COL5A1: variants seen among roughly 807,000 people sequenced by gnomAD.
The protein encoded by COL5A1 is collagen alpha-1(V) chain.
A neutral mutation model predicts 263.7 loss-of-function variants in COL5A1; 16 were observed. The ratio of observed to expected loss-of-function variants is 0.06; its 90% CI spans 0.04 to 0.09. The LOEUF (loss-of-function observed/expected upper bound fraction) is 0.09, where lower values mean the gene tolerates loss of function less well. COL5A1 is among the 10% of genes least tolerant of loss of function. The pLI, the probability that COL5A1 is intolerant of heterozygous loss-of-function variation, is 1.00. For missense variants in COL5A1, 2,036 were observed against 2,540.5 expected, an observed-to-expected ratio of 0.80 and a Z score of 4.27; for synonymous variants, 1,012 against 1,004.5, an observed-to-expected ratio of 1.01 and a Z score of -0.14.
chr9:134,831,009 C>T (rs1839595631), intron 64 of COL5A1, among the ~76,000 whole-genome samples: 1 of 152,208 alleles, frequency 6.6e-6, no homozygotes, highest in Non-Finnish European at 1.5e-5. Flanking sequence ...CCCAGATTCT[C>T]CTTTCCCTCC....
chr9:134,799,189 C>G (rs1349493853), intron 37 of COL5A1, among the ~76,000 whole-genome samples: 1 of 152,230 alleles, frequency 6.6e-6, no homozygotes, highest in Non-Finnish European at 1.5e-5. Flanking sequence ...CCAGAAAGGA[C>G]TCCAGTGTTT....
At chr9:134,799,160 A>G (rs1838022584) in intron 37 of COL5A1, among the ~76,000 whole-genome samples, 1 of 152,230 alleles carries the variant, frequency 6.6e-6, no homozygotes, top group Non-Finnish European at 1.5e-5. Context: ...AATGCATATC[A>G]CAGGCTACTT....
Position 134,794,987 on chromosome 9 carries a change from G to A in COL5A1, c.2701-95G>A. ...GCCCAGGTTCCTCCTATCCTGCTCT[G>A]AATTCACAGTCTCTCAATAACCCGG... On this transcript the variant is annotated intron_variant, in intron 32 of 65. Coordinates refer to ENST00000371817, the MANE Select transcript of COL5A1 (RefSeq NM_000093.5). The surrounding 1 kb of genome is among the most constrained non-coding windows in gnomAD (Gnocchi z 4.3). 4.3e-6 allele frequency: 6 copies of A among 1,406,690 alleles called. No individual in the cohort carries two copies. The highest frequency in any genetic ancestry group is 1.4e-5 in the African/African-American group (1 of 70,144). 87.1% of individuals were successfully genotyped at this position (1,406,690 alleles called of 1,614,324 possible).
rs139442022 is a variant in COL5A1 at position 134,699,182 on chromosome 9, T to G, written c.278-727T>G. On this transcript the variant is annotated intron_variant, in intron 2 of 65. Transcript: ENST00000371817. ...CATGCCCACGGATGAGGGGCAGATA[T>G]GTGGAGTGGGCTTAGGTGCTTGTGG... is the stretch of plus-strand genomic sequence containing the variant. 1.3e-3 allele frequency among the ~76,000 whole-genome samples: 191 copies of G among 152,252 alleles called. 2 individuals carry two copies. The highest frequency in any genetic ancestry group is 2.7e-3 in the East Asian group (14 of 5,164).
Position 134,801,946 on chromosome 9 carries a change from C to G in COL5A1, c.2953-8C>G. ...AGCACCGTCAGTGCAGTGACTCTCT[C>G]TTCACAGGGTTTCCAAGGCAAGACC... is the stretch of plus-strand genomic sequence containing the variant. On this transcript the variant is annotated splice_polypyrimidine_tract_variant and splice_region_variant and intron_variant, in intron 37 of 65. Transcript: ENST00000371817. 2 of 1,613,300 alleles carry G rather than the reference C, an allele frequency of 1.2e-6. No homozygotes were observed. The highest frequency in any genetic ancestry group is 1.7e-6 in the Non-Finnish European group (2 of 1,179,968).
intron 4 of COL5A1, among the ~76,000 whole-genome samples, chr9:134,703,669 G>A (rs1833747075): frequency 8.5e-6 from 1 of 117,324 alleles, no homozygotes; most frequent in Non-Finnish European, 1.6e-5. Context: ...ACGGAGTCTC[G>A]CTCCGTCGCC....
rs1025461101 is a variant in COL5A1 at position 134,754,264 on chromosome 9, C to T, written c.1774-9C>T. On this transcript the variant is annotated splice_polypyrimidine_tract_variant and intron_variant, in intron 15 of 65. Transcript: ENST00000371817. The surrounding 1 kb of genome is among the most constrained non-coding windows in gnomAD (Gnocchi z 4.3). ...TCGCCACTGACCCTTTGTCTCTTACCCCTGGCAGGGTCCTCGAGGTGTGCA... is the reference window on the plus strand; with the variant it reads ...TCGCCACTGACCCTTTGTCTCTTACTCCTGGCAGGGTCCTCGAGGTGTGCA... 1 of 1,613,606 alleles carries T rather than the reference C, an allele frequency of 6.2e-7. No individual in the cohort carries two copies. The highest frequency in any genetic ancestry group is 1.3e-5 in the African/African-American group (1 of 74,944).
Position 134,767,333 on chromosome 9 carries a change from A to T in COL5A1, c.2211A>T (p.Ala737=). The stretch of plus-strand genomic sequence containing the variant: ...AGGGTCTTCCAGGCCCCCAGGGTGC[A>T]ATTGGTCCTCCAGGAGAAAAGGTAG... The part of the protein sequence containing the change: ...GAQGLPGPQG[A]IGPPGEKGPL... The change falls in exon 24 of 66, where the codon GCA becomes GCT. Residue 737 remains alanine (A), a synonymous_variant. Transcript: ENST00000371817. The T allele has an allele frequency of 6.2e-7, 1 of 1,614,050 alleles. No homozygotes were observed. The highest frequency in any genetic ancestry group is 8.5e-7 in the Non-Finnish European group (1 of 1,180,018).
chr9:134,674,016 A>G (rs990095200), intron 1 of COL5A1, among the ~76,000 whole-genome samples: 11 of 152,170 alleles, frequency 7.2e-5, no homozygotes, highest in African/African-American at 2.7e-4. Context: ...ATAAGGACAT[A>G]CTGCAAAAGT....
At chr9:134,697,804 T>C (rs1833534616) in intron 2 of COL5A1, among the ~76,000 whole-genome samples, 1 of 152,050 alleles carries the variant, frequency 6.6e-6, no homozygotes, top group Non-Finnish European at 1.5e-5. Context: ...CATCCCCTCA[T>C]GTGGAAGGAT....
chr9:134,780,005 C>A, intron 27 of COL5A1, 97 bp from the exon 28 acceptor site: 2 of 1,395,122 alleles, frequency 1.4e-6, no homozygotes, highest in Non-Finnish European at 2.0e-6. Context: ...CATCTGTCAG[C>A]TTCAGCGAGC....
At chr9:134,654,434 TGGA>T (rs1483363261) in intron 1 of COL5A1, among the ~76,000 whole-genome samples, 7 of 113,474 alleles carry the variant, frequency 6.2e-5, no homozygotes, top group East Asian at 3.0e-4. Flanking sequence ...TGTGTAGGGC[TGGA>T]GGTGTGTAGG....
intron 4 of COL5A1, among the ~76,000 whole-genome samples, chr9:134,724,908 A>G (rs1302898148): frequency 1.3e-5 from 2 of 151,416 alleles, no homozygotes; most frequent in Admixed American, 6.6e-5. Context: ...CGGGTGAACC[A>G]GGCTCGGATG....
At chr9:134,836,995 C>T (rs1176677914) in intron 65 of COL5A1, among the ~76,000 whole-genome samples, 1 of 152,222 alleles carries the variant, frequency 6.6e-6, no homozygotes, top group Non-Finnish European at 1.5e-5. Context: ...GGGACCTTAC[C>T]CGTCCTCCCC....
At chr9:134,695,921 C>T (rs1459724383) in intron 2 of COL5A1, among the ~76,000 whole-genome samples, 2 of 151,918 alleles carry the variant, frequency 1.3e-5, no homozygotes, top group African/African-American at 2.4e-5. Context: ...CCCTTCTGGT[C>T]GGGACTGAAG....
rs192085812 is a variant in COL5A1, at chr9:134,823,182, C to T, written c.4644+149C>T. ...CCCATCTTTCTACACTGACCCATGG[C>T]GGACTGAGGCAGGTGGGCTGCTCGC... On this transcript the variant is annotated intron_variant, in intron 60 of 65. Coordinates refer to ENST00000371817, the MANE Select transcript of COL5A1 (RefSeq NM_000093.5). 1.4e-4 allele frequency: 157 copies of T among 1,097,526 alleles called. 1 individual carries two copies. In the Admixed American group the frequency reaches 1.8e-3, roughly 12 times the overall value. The allele number at this position is 1,097,526 out of a possible 1,614,324, so 68.0% of individuals were successfully genotyped here. A position where few individuals can be genotyped will look rare whatever the true frequency, so the allele number is the denominator to read the frequency against.
intron 1 of COL5A1, among the ~76,000 whole-genome samples, chr9:134,670,308 T>A (rs1325566095): frequency 6.6e-6 from 1 of 152,252 alleles, no homozygotes; most frequent in African/African-American, 2.4e-5. Context: ...ATTGACTCAC[T>A]GCATCCAAGC....
chr9:134,645,920 T>A (rs540697231), intron 1 of COL5A1, among the ~76,000 whole-genome samples: 5 of 152,212 alleles, frequency 3.3e-5, no homozygotes, highest in South Asian at 4.1e-4. Context: ...AGCTTTTAAG[T>A]TCCTTTCTTT....
intron 4 of COL5A1, among the ~76,000 whole-genome samples, chr9:134,704,302 G>T (rs4240704): frequency 0.38 from 57,057 of 151,836 alleles, 11,730 homozygotes; most frequent in Admixed American, 0.56. Context: ...CCGCAGTTTT[G>T]TGTGTGTGGG....
Sources: gnomAD v4.1 joint callset for allele counts (sites outside exome capture counted in the v4.1 genomes callset) on GRCh38, gnomAD v4.1.1 for gene constraint, Gnocchi (gnomAD v3.1) non-coding constraint, MANE v1.5 for transcripts, NCBI Gene and HGNC (gene_info 2026-07-23, HGNC 2026-07-21) for gene names.